The following PHACTR3 variants were observed in gnomAD, a reference collection of about 807,000 sequenced individuals.
PHACTR3 encodes protein phosphatase 1, regulatory subunit 123.
Under a neutral mutation model 66.8 loss-of-function variants are expected in PHACTR3, and 16 were observed. That is an observed-to-expected ratio of 0.24 (90% CI 0.16 to 0.36). The LOEUF (loss-of-function observed/expected upper bound fraction) is 0.36, where lower values mean the gene tolerates loss of function less well. Among genes scored for constraint, PHACTR3 ranks in the 10% least tolerant of loss-of-function variants. The pLI is 1.00. For missense variants in PHACTR3, 647 were observed against 719.9 expected (o/e 0.90, Z 1.16); for synonymous variants, 323 against 292.1 (o/e 1.11, Z -1.08).
chr20:59,839,565 G>A (rs1400174850), intron 9 of PHACTR3, among the ~76,000 whole-genome samples: 1 of 152,170 alleles, frequency 6.6e-6, no homozygotes, highest in Non-Finnish European at 1.5e-5. Context: ...TTTAGCAACA[G>A]AGAACACCAG....
chr20:59,645,008 C>A (rs2035233362), intron 1 of PHACTR3, among the ~76,000 whole-genome samples: 1 of 151,942 alleles, frequency 6.6e-6, no homozygotes, highest in South Asian at 2.1e-4. Flanking sequence ...AGCCCTTGTC[C>A]CCCTCCTTCG....
intron 5 of PHACTR3, among the ~76,000 whole-genome samples, chr20:59,770,597 GTC>G (rs2040327677): frequency 6.6e-6 from 1 of 152,182 alleles, no homozygotes; most frequent in South Asian, 2.1e-4. Flanking sequence ...CAGATTTGGT[GTC>G]TCTGATGAGG....
At chr20:59,840,840 C>T (rs771895574) in intron 10 of PHACTR3, among the ~76,000 whole-genome samples, 1 of 152,174 alleles carries the variant, frequency 6.6e-6, no homozygotes, top group Non-Finnish European at 1.5e-5. Flanking sequence ...TTGCAGAAAG[C>T]TTTATTAGAC....
chr20:59,790,302 T>C (rs1009812515), intron 7 of PHACTR3, among the ~76,000 whole-genome samples: 1 of 152,176 alleles, frequency 6.6e-6, no homozygotes, highest in Non-Finnish European at 1.5e-5. Context: ...TTTTCTTCTC[T>C]AGAGAGTATC....
At chr20:59,753,638 C>T (rs916548974) in intron 3 of PHACTR3, among the ~76,000 whole-genome samples, 4 of 152,226 alleles carry the variant, frequency 2.6e-5, no homozygotes, top group African/African-American at 9.6e-5. Flanking sequence ...CAGACACATT[C>T]CATACCCTAG....
intron 1 of PHACTR3, among the ~76,000 whole-genome samples, chr20:59,665,712 A>T (rs2035962569): frequency 6.6e-6 from 1 of 151,914 alleles, no homozygotes; most frequent in Non-Finnish European, 1.5e-5. Flanking sequence ...CTGAGAGGGG[A>T]GGGAGAGCCT....
chr20:59,744,300 G>C (rs148717654), intron 2 of PHACTR3, among the ~76,000 whole-genome samples: 2 of 152,232 alleles, frequency 1.3e-5, no homozygotes, highest in African/African-American at 2.4e-5. Flanking sequence ...GTGGTGGCTC[G>C]TCAGCCTGGG....
rs2041995541 is a variant in PHACTR3, at chr20:59,820,175, A to G, written c.1328+13981A>G. Among the ~76,000 whole-genome samples, 1 of 152,140 alleles carries G rather than the reference A, an allele frequency of 6.6e-6. No individual in the cohort carries two copies. The highest frequency in any genetic ancestry group is 2.4e-5 in the African/African-American group (1 of 41,426). On this transcript the variant is annotated intron_variant, in intron 8 of 12. Transcript: ENST00000371015. This position sits in a 1 kb window ranked among gnomAD's most constrained non-coding sequence, Gnocchi z 4.6. ...CACTGTGGTGAGGGGTCTGCCTGTG[A>G]ACACTGCAGAGCCTCCAAGGTCAAG...
At chr20:59,718,564 GA>G (rs11481022) in intron 1 of PHACTR3, among the ~76,000 whole-genome samples, 6,711 of 143,702 alleles carry the variant, frequency 0.047, 448 homozygotes, top group African/African-American at 0.15. Context: ...TGATGCTATA[GA>G]AAAAAAAAAA....
At chr20:59,615,825 T>C (rs577791250) in intron 1 of PHACTR3, among the ~76,000 whole-genome samples, 4 of 152,300 alleles carry the variant, frequency 2.6e-5, no homozygotes, top group Admixed American at 1.3e-4. Context: ...GAGAGGGAAA[T>C]ACACTTGACC....
In PHACTR3 at chr20:59,743,274, G is replaced by A. The variant is rs751400349; in HGVS notation, c.280+6G>A. 12 of 1,613,722 alleles carry A rather than the reference G, an allele frequency of 7.4e-6. No individual in the cohort carries two copies. The highest frequency in any genetic ancestry group is 9.3e-6 in the Non-Finnish European group (11 of 1,179,800). On this transcript the variant is annotated splice_donor_region_variant and intron_variant, in intron 2 of 12. Transcript: ENST00000371015. ...ACTGAAGCAGACAACGTCAGGTAAA[G>A]GCCTGGTGACAGGCGCGGGCAGGCT...
chr20:59,635,192 TTC>T (rs373341244), intron 1 of PHACTR3, among the ~76,000 whole-genome samples: 273 of 14,100 alleles, frequency 0.019, 5 homozygotes, highest in Middle Eastern at 0.1. Flanking sequence ...CTTTCTTTCT[TTC>T]TCTTTCTTTC....
intron 1 of PHACTR3, among the ~76,000 whole-genome samples, chr20:59,733,038 AG>A (rs1308624816): frequency 6.6e-6 from 1 of 150,942 alleles, no homozygotes; most frequent in Non-Finnish European, 1.5e-5. Flanking sequence ...GGCATTTAGC[AG>A]TATTTTCTTC....
At chr20:59,785,820 A>G (rs1307190055) in intron 7 of PHACTR3, among the ~76,000 whole-genome samples, 1 of 151,680 alleles carries the variant, frequency 6.6e-6, no homozygotes, top group East Asian at 1.9e-4. Context: ...CGATCCTTAA[A>G]GCTGCTTCAT....
At chr20:59,680,842 G>C (rs1568704666) in intron 1 of PHACTR3, among the ~76,000 whole-genome samples, 1 of 152,188 alleles carries the variant, frequency 6.6e-6, no homozygotes, top group Non-Finnish European at 1.5e-5. Context: ...CAGGCCGGAG[G>C]CTCAGATGTT....
At chr20:59,714,068 G>C (rs962483832) in intron 1 of PHACTR3, among the ~76,000 whole-genome samples, 2 of 152,024 alleles carry the variant, frequency 1.3e-5, no homozygotes, top group African/African-American at 4.8e-5. Context: ...TGAAGTACCT[G>C]TTGAGTTTTT....
chr20:59,764,735 G>A (rs1170543945), intron 4 of PHACTR3, among the ~76,000 whole-genome samples: 1 of 152,152 alleles, frequency 6.6e-6, no homozygotes, highest in African/African-American at 2.4e-5. Context: ...TCACAAAGAA[G>A]CGTTCAGGAA....
intron 9 of PHACTR3, 36 bp from the exon 10 acceptor site, chr20:59,840,331 CTT>C (rs766794260): frequency 7.5e-6 from 12 of 1,596,920 alleles, no homozygotes; most frequent in Admixed American, 7.1e-5. Flanking sequence ...ACCTGTTTCT[CTT>C]TGTTATTTTT....
At chr20:59,698,087 A>C (rs571273410) in intron 1 of PHACTR3, among the ~76,000 whole-genome samples, 8 of 152,322 alleles carry the variant, frequency 5.3e-5, no homozygotes, top group African/African-American at 1.9e-4. Flanking sequence ...ACTGGGAAAA[A>C]ATCCTAAATG....
Sources: gnomAD v4.1 joint callset for allele counts (sites outside exome capture counted in the v4.1 genomes callset) on GRCh38, gnomAD v4.1.1 for gene constraint, Gnocchi (gnomAD v3.1) non-coding constraint, MANE v1.5 for transcripts, NCBI Gene and HGNC (gene_info 2026-07-23, HGNC 2026-07-21) for gene names.